Variants in PPFIA3 observed in about 807,000 individuals in gnomAD.
PPFIA3 encodes the protein PPFI scaffold protein A3, also known as liprin-alpha-3.
A neutral mutation model predicts 145.8 loss-of-function variants in PPFIA3; 26 were observed. The observed-to-expected ratio is 0.18, with a 90% CI of 0.13 to 0.25. The LOEUF is 0.25. PPFIA3 is among the 10% of genes least tolerant of loss of function. The probability of loss-of-function intolerance (pLI) is 1.00; values close to 1 mark genes in which losing one functional copy is unlikely to be tolerated. For missense variants in PPFIA3, 1,008 were observed against 1,587.8 expected (o/e 0.63, Z 6.21); for synonymous variants, 645 against 661.4 (o/e 0.98, Z 0.38).
chr19:49,139,405 C>G (rs936768372), intron 16 of PPFIA3, among the ~76,000 whole-genome samples: 3 of 149,656 alleles, frequency 2.0e-5, no homozygotes, highest in African/African-American at 7.4e-5. Flanking sequence ...AGGAGAATCT[C>G]TTGAACCTGG....
At chr19:49,146,310 G>T in intron 23 of PPFIA3, 118 bp downstream of exon 23, 1 of 1,312,138 alleles carries the variant, frequency 7.6e-7, no homozygotes. Context: ...CCATGGGGGG[G>T]CGCTGCGCCA....
At chr19:49,140,664 T>TTTTTTTTTTTG (rs1568439584) in intron 18 of PPFIA3, among the ~76,000 whole-genome samples, 3 of 137,798 alleles carry the variant, frequency 2.2e-5, no homozygotes, top group African/African-American at 8.6e-5. Context: ...TTTTTTTTTT[T>TTTTTTTTTTTG]TTTGTTTGGA....
Position 49,142,935 on chromosome 19 carries a change from C to A in PPFIA3, c.2676C>A (p.Leu892=), listed in dbSNP as rs749027519. ...EIGISNPLHR[L]KLRLAIQEMV... ...GCATCAGCAACCCGCTGCACCGACT[C>A]AAGCTACGCCTCGCCATCCAGGAGA... is the stretch of plus-strand genomic sequence containing the variant. The change falls in exon 21 of 30, where the codon CTC becomes CTA. Residue 892 remains leucine (L), a synonymous_variant. Transcript: ENST00000334186. 1.4e-5 allele frequency: 22 copies of A among 1,613,666 alleles called. No homozygotes were observed. The highest frequency in any genetic ancestry group is 1.9e-5 in the Non-Finnish European group (22 of 1,180,020).
In PPFIA3 at chr19:49,130,784, C is replaced by A. The variant is rs931491994; in HGVS notation, c.879+185C>A. On this transcript the variant is annotated intron_variant, in intron 7 of 29. Coordinates refer to ENST00000334186, the MANE Select transcript of PPFIA3 (RefSeq NM_003660.4). The surrounding 1 kb of genome is among the most constrained non-coding windows in gnomAD (Gnocchi z 4.5). ...TTCTCATCAGAGGGTGAGCCTGTGG[C>A]GCAGAGTAGGCGCTCCATAACTGCT... Among the ~76,000 whole-genome samples, 1 of 152,236 alleles carries A rather than the reference C, an allele frequency of 6.6e-6. No homozygotes were observed.
intron 15 of PPFIA3, chr19:49,137,360 C>T (rs7256715): frequency 0.18 from 27,046 of 153,616 alleles, 3,814 homozygotes; most frequent in African/African-American, 0.39. Flanking sequence ...CAGTGGCTCA[C>T]GCCTGTAATC....
At chr19:49,142,182 C>A in intron 20 of PPFIA3, 67 bp downstream of exon 20, 1 of 1,415,816 alleles carries the variant, frequency 7.1e-7, no homozygotes, top group Non-Finnish European at 9.7e-7. Context: ...CTGGTAGGGG[C>A]TGCCTGGTCC....
rs2041309637 is a variant in PPFIA3, at chr19:49,148,875, G to A, written c.3109+112G>A. The A allele has an allele frequency of 3.9e-6, 6 of 1,544,192 alleles. No individual in the cohort carries two copies. In the Admixed American group the frequency reaches 5.2e-5, roughly 13 times the overall value. On this transcript the variant is annotated intron_variant, in intron 25 of 29. Transcript: ENST00000334186. ...AAGCAAATTGGCACCATAACCGTGGGGGTGGAGCCAGCGTGGGGGGCGTGG... is the reference window on the plus strand; with the variant it reads ...AAGCAAATTGGCACCATAACCGTGGAGGTGGAGCCAGCGTGGGGGGCGTGG...
At chr19:49,138,172 C>T in intron 15 of PPFIA3, 33 bp from the exon 16 acceptor site, 1 of 1,536,428 alleles carries the variant, frequency 6.5e-7, no homozygotes, top group Admixed American at 1.9e-5. Context: ...CTGCTGCGGC[C>T]CCTCACCCAG....
In PPFIA3 at chr19:49,128,458, A is replaced by G; in HGVS notation, c.332A>G (p.Asn111Ser). ...EEIAELKAER[N>S]NTRLLLEHLE... is the part of the protein sequence containing the mutation. The stretch of plus-strand genomic sequence containing the variant: ...ATTGCAGAGCTGAAGGCGGAACGGA[A>G]CAACACGCGGGTGAGGGGTGTTGAG... The change falls in exon 3 of 30, where the codon AAC (asparagine) becomes AGC (serine). Residue 111 changes from asparagine (N) to serine (S), a missense_variant. Asn to Ser is a conservative substitution (Grantham distance 46). Coordinates refer to ENST00000334186, the MANE Select transcript of PPFIA3 (RefSeq NM_003660.4). This position sits in a 1 kb window ranked among gnomAD's most constrained non-coding sequence, Gnocchi z 4.1. 2.0e-6 allele frequency: 3 copies of G among 1,469,744 alleles called. No individual in the cohort carries two copies. The East Asian group carries it at 9.7e-5, about 47-fold the overall frequency. The allele number at this position is 1,469,744 out of a possible 1,614,324, so 91.0% of individuals were successfully genotyped here. A position where few individuals can be genotyped will look rare whatever the true frequency, so the allele number is the denominator to read the frequency against.
At position 49,140,664 on chromosome 19, in the gene PPFIA3, T is replaced by TG. The variant is rs1568439573; in HGVS notation, c.2368+576_2368+577insG. Reference sequence around the variant, plus strand: ...CTTTTTTTTTTTTTTTTTTTTTTTTTTTTGTTTGGAGACGGAGTCTTGCTC... The same window carrying TG: ...CTTTTTTTTTTTTTTTTTTTTTTTTTGTTTGTTTGGAGACGGAGTCTTGCTC... On this transcript the variant is annotated intron_variant, in intron 18 of 29. Transcript: ENST00000334186. Among the ~76,000 whole-genome samples the TG allele has an allele frequency of 1.5e-3, 208 of 137,784 alleles. 1 individual carries two copies. Among genetic ancestry groups the TG allele is most frequent in the African/African-American group, 4.9e-3 (172 of 34,892 alleles). 90.4% of individuals were successfully genotyped at this position (137,784 alleles called of 152,430 possible). A position where few individuals can be genotyped will look rare whatever the true frequency, so the allele number is the denominator to read the frequency against.
rs911239284 is a variant in PPFIA3 at position 49,144,245 on chromosome 19, G to A, written c.2745+1241G>A. ...AGGCTGGTCTTGAACTCCTGACCTC[G>A]TGATCCACCTGCCTCAGCCTCCCAA... On this transcript the variant is annotated intron_variant, in intron 21 of 29. Coordinates refer to ENST00000334186, the MANE Select transcript of PPFIA3 (RefSeq NM_003660.4). Among the ~76,000 whole-genome samples, 6 of 152,094 alleles carry A rather than the reference G, an allele frequency of 3.9e-5. 1 individual carries two copies. Among genetic ancestry groups the A allele is most frequent in the Non-Finnish European group, 1.5e-5 (1 of 67,980 alleles).
intron 1 of PPFIA3, among the ~76,000 whole-genome samples, chr19:49,123,252 G>A (rs1173069995): frequency 1.3e-5 from 2 of 148,468 alleles, no homozygotes; most frequent in Admixed American, 6.8e-5. Context: ...GGCTGGTCTC[G>A]AACTCCTGAC....
At position 49,130,704 on chromosome 19, in the gene PPFIA3, C is replaced by A; in HGVS notation, c.879+105C>A. 1 of 929,388 alleles carries A rather than the reference C, an allele frequency of 1.1e-6. No homozygotes were observed. The highest frequency in any genetic ancestry group is 1.6e-6 in the Non-Finnish European group (1 of 629,042). 57.6% of individuals were successfully genotyped at this position (929,388 alleles called of 1,614,324 possible). On this transcript the variant is annotated intron_variant, in intron 7 of 29. Coordinates refer to ENST00000334186, the MANE Select transcript of PPFIA3 (RefSeq NM_003660.4). The surrounding 1 kb of genome is among the most constrained non-coding windows in gnomAD (Gnocchi z 4.5). ...GCGGAACCTCGATTCAGTCCACAGG[C>A]TGGGTGACTCCTCTTTGAGATTCAG...
intron 16 of PPFIA3, 78 bp downstream of exon 16, chr19:49,138,505 C>T: frequency 8.0e-7 from 1 of 1,247,060 alleles, no homozygotes; most frequent in Non-Finnish European, 1.1e-6. Flanking sequence ...TGTACAGCAA[C>T]AATAACCCCT....
At chr19:49,143,813 T>C (rs533923716) in intron 21 of PPFIA3, among the ~76,000 whole-genome samples, 45 of 152,272 alleles carry the variant, frequency 3.0e-4, no homozygotes, top group African/African-American at 1.1e-3. Flanking sequence ...ACAGGTTGAG[T>C]GTCCCTTACT....
chr19:49,124,882 G>A (rs952254140), intron 1 of PPFIA3, among the ~76,000 whole-genome samples: 3 of 152,064 alleles, frequency 2.0e-5, no homozygotes, highest in African/African-American at 7.2e-5. Context: ...TGGCTAACAT[G>A]GTGAAACCCG....
chr19:49,133,778 A>G lies in PPFIA3; in HGVS notation c.1162-18A>G. The G allele has an allele frequency of 6.2e-7, 1 of 1,612,194 alleles. No individual in the cohort carries two copies. The highest frequency in any genetic ancestry group is 8.5e-7 in the Non-Finnish European group (1 of 1,179,322). On this transcript the variant is annotated intron_variant, in intron 9 of 29. Transcript: ENST00000334186. The surrounding 1 kb of genome is among the most constrained non-coding windows in gnomAD (Gnocchi z 7.2). ...ATCCTGGAAGGGTAAGTCACACGCC[A>G]TGGGTTCCATCTCCTAGGCCGAGGA...
Position 49,140,276 on chromosome 19 carries a change from T to A in PPFIA3, c.2368+188T>A, listed in dbSNP as rs368425815. On this transcript the variant is annotated intron_variant, in intron 18 of 29. Transcript: ENST00000334186. ...GAGGAGGGAAAAGGAAAGGGCACTC[T>A]GGGACCTGCTTGGGTGACTGGGTAG... Among the ~76,000 whole-genome samples the A allele has an allele frequency of 1.4e-4, 21 of 152,294 alleles. No homozygotes were observed. In the East Asian group the frequency reaches 3.7e-3, roughly 27 times the overall value.
chr19:49,143,923 C>T (rs1362983371), intron 21 of PPFIA3, among the ~76,000 whole-genome samples: 2 of 152,024 alleles, frequency 1.3e-5, no homozygotes, highest in African/African-American at 4.8e-5. Flanking sequence ...GGGAGCCAAG[C>T]CTAAACATGA....
Sources: gnomAD v4.1 joint callset for allele counts (sites outside exome capture counted in the v4.1 genomes callset) on GRCh38, gnomAD v4.1.1 for gene constraint, Gnocchi (gnomAD v3.1) non-coding constraint, MANE v1.5 for transcripts, NCBI Gene and HGNC (gene_info 2026-07-23, HGNC 2026-07-21) for gene names.